The following CD109 variants were observed in gnomAD, a reference collection of about 807,000 sequenced individuals.
CD109 encodes the protein CD109 antigen.
Under a neutral mutation model 165.8 loss-of-function variants are expected in CD109, and 149 were observed. That is an observed-to-expected ratio of 0.90 (90% confidence interval 0.79 to 1.03). CD109 has a LOEUF of 1.03. Ranked by LOEUF, CD109 falls within the 50% of genes least tolerant of loss-of-function variation. The pLI is 0.00. For missense variants in CD109, 1,712 were observed against 1,677.8 expected (o/e 1.02, Z -0.36); for synonymous variants, 585 against 592.1 (o/e 0.99, Z 0.18).
At chr6:73,786,316 G>A (rs1774689485) in intron 20 of CD109, among the ~76,000 whole-genome samples, 1 of 152,120 alleles carries the variant, frequency 6.6e-6, no homozygotes, top group Admixed American at 6.6e-5. Context: ...AATAAGTAGA[G>A]ATACGTAATT....
At chr6:73,818,955 C>T (rs1776028202) in intron 31 of CD109, among the ~76,000 whole-genome samples, 1 of 152,186 alleles carries the variant, frequency 6.6e-6, no homozygotes, top group Non-Finnish European at 1.5e-5. Flanking sequence ...CTGCAGGCTC[C>T]TGAGTAGCTG....
the CD109 span, among the ~76,000 whole-genome samples, chr6:73,688,761 G>GTTTTTTTTTTTTT: frequency 3.0e-4 from 22 of 73,530 alleles, 2 homozygotes; most frequent in African/African-American, 4.7e-4. Context: ...GTTTTTCTTT[G>GTTTTTTTTTTTTT]TTTTTTTTTT....
At chr6:73,811,254 C>A in intron 28 of CD109, 107 bp downstream of exon 28, 1 of 1,298,476 alleles carries the variant, frequency 7.7e-7, no homozygotes, top group Non-Finnish European at 1.0e-6. Context: ...GTTTCCAGAG[C>A]TCTGTAGAGT....
At chr6:73,717,593 A>G (rs965773076) in intron 2 of CD109, among the ~76,000 whole-genome samples, 3 of 142,288 alleles carry the variant, frequency 2.1e-5, no homozygotes, top group Admixed American at 7.0e-5. Context: ...CTGCTGGCAT[A>G]TAGAAATTCT....
Position 73,762,392 on chromosome 6 carries a change from A to G in CD109, c.767A>G (p.Tyr256Cys). 6.2e-7 allele frequency: 1 copy of G among 1,600,404 alleles called. No homozygotes were observed. The highest frequency in any genetic ancestry group is 8.6e-7 in the Non-Finnish European group (1 of 1,168,070). Residue 256 changes from tyrosine to cysteine, a missense_variant, in exon 8 of 33, where the codon TAT (tyrosine) becomes TGT (cysteine). By Grantham distance (194) the Tyr-to-Cys change is radical. Coordinates refer to ENST00000287097, the MANE Select transcript of CD109 (RefSeq NM_133493.5). ...LNGTITAKYT[Y>C]GKPVKGDVTL... is the part of the protein sequence containing the mutation. Reference sequence around the variant, plus strand: ...TGTTTATAATTATTCAGGTATACATATGGGAAGCCAGTGAAAGGAGACGTA... The same window carrying G: ...TGTTTATAATTATTCAGGTATACATGTGGGAAGCCAGTGAAAGGAGACGTA...
At chr6:73,763,825 G>A in intron 10 of CD109, 140 bp downstream of exon 10, 1 of 411,794 alleles carries the variant, frequency 2.4e-6, no homozygotes, top group Non-Finnish European at 4.3e-6. Context: ...TGTGGGGCAT[G>A]TAGATTTGTT....
At chr6:73,775,354 C>T (rs912725937) in intron 15 of CD109, among the ~76,000 whole-genome samples, 24 of 152,022 alleles carry the variant, frequency 1.6e-4, no homozygotes, top group Non-Finnish European at 3.2e-4. Flanking sequence ...TTAATGAAAA[C>T]TCCAAATATC....
intron 22 of CD109, among the ~76,000 whole-genome samples, chr6:73,791,479 G>A (rs116827159): frequency 0.014 from 2,065 of 151,316 alleles, 45 homozygotes; most frequent in African/African-American, 0.047. Flanking sequence ...ACACACACAC[G>A]CACACATATA....
intron 5 of CD109, among the ~76,000 whole-genome samples, chr6:73,755,864 G>A (rs758086532): frequency 6.6e-6 from 1 of 152,070 alleles, no homozygotes; most frequent in Non-Finnish European, 1.5e-5. Flanking sequence ...GGTGGGCTGA[G>A]GCAGGAGAAT....
intron 22 of CD109, among the ~76,000 whole-genome samples, chr6:73,791,510 CT>C (rs1196893976): frequency 1.3e-5 from 2 of 151,830 alleles, no homozygotes; most frequent in Non-Finnish European, 2.9e-5. Flanking sequence ...AGGAGCCTGG[CT>C]TTTTAAATAT....
intron 11 of CD109, 103 bp from the exon 12 acceptor site, chr6:73,766,656 A>G: frequency 1.3e-6 from 1 of 779,856 alleles, no homozygotes; most frequent in Non-Finnish European, 2.1e-6. Flanking sequence ...ATTAAAAAAA[A>G]GTGAAGATGA....
chr6:73,695,789 T>G (rs1770796579), upstream of CD109: 1 of 210,314 alleles, frequency 4.8e-6, no homozygotes, highest in Non-Finnish European at 9.5e-6. Context: ...CTTCACATAG[T>G]TGCTATGAAT....
rs763643469 is a variant in CD109, at chr6:73,806,963, T to C, written c.3080T>C (p.Phe1027Ser). Reference sequence around the variant, plus strand: ...GGACATCAGAAATCCAACGGTGAATTTTGGGATCCAGGAAGAGTGATTCAT... The same window carrying C: ...GGACATCAGAAATCCAACGGTGAATCTTGGGATCCAGGAAGAGTGATTCAT... ...LKGHQKSNGE[F>S]WDPGRVIHSE... The change falls in exon 25 of 33, where the codon TTT becomes TCT. Residue 1027 changes from phenylalanine to serine, a missense_variant. Transcript: ENST00000287097. The C allele has an allele frequency of 1.1e-5, 17 of 1,613,998 alleles. No homozygotes were observed. In the African/African-American group the frequency reaches 1.9e-4, roughly 18 times the overall value.
In CD109 at chr6:73,769,840, G is replaced by A. The variant is rs548674267; in HGVS notation, c.1675-1589G>A. Reference sequence around the variant, plus strand: ...CCTCTCCCCCATGCTTTAGTGTGTAGGTGGAGAAAGTAACCTACATACAGT... The same window carrying A: ...CCTCTCCCCCATGCTTTAGTGTGTAAGTGGAGAAAGTAACCTACATACAGT... On this transcript the variant is annotated intron_variant, in intron 14 of 32. Transcript: ENST00000287097. 1.3e-4 allele frequency among the ~76,000 whole-genome samples: 20 copies of A among 152,278 alleles called. No homozygotes were observed. In the South Asian group the frequency reaches 4.1e-3, roughly 32 times the overall value.
Position 73,781,248 on chromosome 6 carries a change from A to C in CD109, c.1903-11A>C, listed in dbSNP as rs1182257478. ...TGTGTTTTAAAAGAAAATAAAAATTATTCTTTTTAGGAATGTGGACTCTGG... is the reference window on the plus strand; with the variant it reads ...TGTGTTTTAAAAGAAAATAAAAATTCTTCTTTTTAGGAATGTGGACTCTGG... On this transcript the variant is annotated splice_polypyrimidine_tract_variant and intron_variant, in intron 16 of 32. Transcript: ENST00000287097. 2.5e-6 allele frequency: 4 copies of C among 1,603,058 alleles called. No homozygotes were observed. The highest frequency in any genetic ancestry group is 3.4e-6 in the Non-Finnish European group (4 of 1,170,894).
At chr6:73,692,837 G>C (rs543304435), upstream of CD109, among the ~76,000 whole-genome samples, 11 of 152,244 alleles carry the variant, frequency 7.2e-5, no homozygotes, top group Admixed American at 2.0e-4. Context: ...TGTAAGACTT[G>C]ACTTTGCTCC....
intron 32 of CD109, among the ~76,000 whole-genome samples, chr6:73,820,877 T>C (rs1776084705): frequency 6.6e-6 from 1 of 152,198 alleles, no homozygotes; most frequent in Non-Finnish European, 1.5e-5. Flanking sequence ...TATGTCTCAT[T>C]TGCAAGGTAT....
At chr6:73,738,550 T>G (rs1021794116) in intron 5 of CD109, among the ~76,000 whole-genome samples, 2 of 152,228 alleles carry the variant, frequency 1.3e-5, no homozygotes, top group Non-Finnish European at 2.9e-5. Context: ...AGAGGGAGAC[T>G]TTGCAGAAGA....
intron 32 of CD109, among the ~76,000 whole-genome samples, chr6:73,822,412 C>G (rs149501640): frequency 3.7e-4 from 56 of 152,274 alleles, no homozygotes; most frequent in African/African-American, 1.2e-3. Context: ...AGCACCAGTT[C>G]TCTCCTCATA....
Sources: allele counts gnomAD v4.1 joint callset (sites outside exome capture counted in the v4.1 genomes callset), GRCh38; gene constraint gnomAD v4.1.1; transcripts MANE v1.5; gene names NCBI Gene and HGNC (gene_info 2026-07-23, HGNC 2026-07-21).